The following SPAG16 variants were observed in gnomAD, a reference collection of about 807,000 sequenced individuals.
SPAG16 encodes sperm associated antigen 16.
In SPAG16, 86 loss-of-function variants were observed where a neutral mutation model predicts 80.4. The ratio of observed to expected loss-of-function variants is 1.07; its 90% CI spans 0.90 to 1.28. The LOEUF is 1.28. Among genes scored for constraint, SPAG16 ranks in the 50% most tolerant of loss-of-function variants. SPAG16 has a pLI of 0.00. For synonymous variants in SPAG16, 294 were observed against 265.9 expected (o/e 1.11, Z -1.03); for missense variants, 870 against 765.3 (o/e 1.14, Z -1.61).
chr2:213,490,115 T>C lies in SPAG16; in HGVS notation c.1070+25T>C, dbSNP rs371148071. The C allele has an allele frequency of 9.2e-5, 142 of 1,549,894 alleles. No individual in the cohort carries two copies. The African/African-American group carries it at 1.9e-3, about 20-fold the overall frequency. On this transcript the variant is annotated intron_variant, in intron 10 of 15. Transcript: ENST00000331683. ...GGTAGGATTTTTGATGTTTTATTAATACTTTTGAGATTTTATTTTCATGTC... is the reference window on the plus strand; with the variant it reads ...GGTAGGATTTTTGATGTTTTATTAACACTTTTGAGATTTTATTTTCATGTC...
intron 10 of SPAG16, among the ~76,000 whole-genome samples, chr2:213,856,353 G>T (rs907613421): frequency 5.9e-5 from 9 of 152,194 alleles, no homozygotes; most frequent in African/African-American, 2.2e-4. Flanking sequence ...GGTATTGAGT[G>T]TCTGTAGCTT....
At chr2:213,768,240 A>G (rs1412472172) in intron 10 of SPAG16, among the ~76,000 whole-genome samples, 1 of 152,210 alleles carries the variant, frequency 6.6e-6, no homozygotes, top group African/African-American at 2.4e-5. Context: ...GCTAGAAAAA[A>G]GAGATAAGAA....
At chr2:213,368,269 A>G (rs1449790661) in intron 8 of SPAG16, among the ~76,000 whole-genome samples, 1 of 152,056 alleles carries the variant, frequency 6.6e-6, no homozygotes, top group Non-Finnish European at 1.5e-5. Context: ...TTGGCTATGT[A>G]GGCTCTTTTT....
intron 1 of SPAG16, among the ~76,000 whole-genome samples, chr2:213,292,276 T>C (rs1226071152): frequency 6.6e-6 from 1 of 152,170 alleles, no homozygotes; most frequent in Non-Finnish European, 1.5e-5. Context: ...CAAAATTACT[T>C]TCTAGGAGCT....
chr2:213,659,240 A>G (rs1230038522), intron 10 of SPAG16, among the ~76,000 whole-genome samples: 1 of 152,036 alleles, frequency 6.6e-6, no homozygotes, highest in Non-Finnish European at 1.5e-5. Context: ...CATGAGCAAC[A>G]TGGCAGATAC....
At chr2:213,353,184 C>G (rs918803878) in intron 7 of SPAG16, among the ~76,000 whole-genome samples, 1 of 152,192 alleles carries the variant, frequency 6.6e-6, no homozygotes, top group Non-Finnish European at 1.5e-5. Flanking sequence ...CTGGGTAGTT[C>G]TTTTGTATGT....
intron 14 of SPAG16, among the ~76,000 whole-genome samples, chr2:214,121,304 G>A (rs866180580): frequency 6.6e-6 from 1 of 151,754 alleles, no homozygotes; most frequent in Non-Finnish European, 1.5e-5. Context: ...ATTTCAACTT[G>A]ATTAGGCTTC....
At chr2:214,314,079 G>T (rs549012453) in intron 15 of SPAG16, among the ~76,000 whole-genome samples, 2 of 151,764 alleles carry the variant, frequency 1.3e-5, no homozygotes, top group Non-Finnish European at 2.9e-5. Flanking sequence ...TTTTTCTGTG[G>T]TTCAGTGACT....
At chr2:213,344,168 C>A (rs1335894121) in intron 6 of SPAG16, among the ~76,000 whole-genome samples, 1 of 152,014 alleles carries the variant, frequency 6.6e-6, no homozygotes, top group Non-Finnish European at 1.5e-5. Flanking sequence ...ATATCTTTCC[C>A]CAGTACATAG....
chr2:214,007,186 T>C (rs2047065845), intron 12 of SPAG16, among the ~76,000 whole-genome samples: 1 of 152,206 alleles, frequency 6.6e-6, no homozygotes, highest in South Asian at 2.1e-4. Flanking sequence ...TGCCTAAAAA[T>C]ACTAATAAAA....
intron 10 of SPAG16, among the ~76,000 whole-genome samples, chr2:213,569,813 C>A (rs2059858954): frequency 7.5e-6 from 1 of 133,016 alleles, no homozygotes; most frequent in South Asian, 2.4e-4. Context: ...AGGAATGGTA[C>A]CAGTTCCTCC....
intron 11 of SPAG16, among the ~76,000 whole-genome samples, chr2:213,881,403 A>G (rs771530910): frequency 6.6e-6 from 1 of 152,210 alleles, no homozygotes; most frequent in Non-Finnish European, 1.5e-5. Flanking sequence ...AGGATCATAT[A>G]GTCAGTGAAG....
chr2:214,022,174 G>A (rs2047905071), intron 13 of SPAG16, among the ~76,000 whole-genome samples: 1 of 151,756 alleles, frequency 6.6e-6, no homozygotes, highest in Non-Finnish European at 1.5e-5. Context: ...TTACCAATTA[G>A]CTAACATTTC....
intron 15 of SPAG16, among the ~76,000 whole-genome samples, chr2:214,198,558 CAT>C (rs1021257579): frequency 6.6e-6 from 1 of 152,130 alleles, no homozygotes; most frequent in African/African-American, 2.4e-5. Flanking sequence ...CTGCTATAAA[CAT>C]GTGTGTCCAC....
At chr2:214,048,539 G>A (rs1405077022) in intron 13 of SPAG16, among the ~76,000 whole-genome samples, 1 of 151,798 alleles carries the variant, frequency 6.6e-6, no homozygotes, top group African/African-American at 2.4e-5. Context: ...AGAGTAGGAT[G>A]ATTACCAGAG....
intron 10 of SPAG16, among the ~76,000 whole-genome samples, chr2:213,662,041 T>C (rs1314739719): frequency 1.3e-5 from 2 of 152,134 alleles, no homozygotes; most frequent in Non-Finnish European, 2.9e-5. Context: ...TTTTCACCTA[T>C]AATATACAGT....
chr2:214,375,773 G>GTGTT (rs1229205967), intron 15 of SPAG16, among the ~76,000 whole-genome samples: 2 of 152,180 alleles, frequency 1.3e-5, no homozygotes, highest in Admixed American at 1.3e-4. Flanking sequence ...CTGTGCTTTT[G>GTGTT]TGTTTGTTTT....
intron 10 of SPAG16, among the ~76,000 whole-genome samples, chr2:213,674,915 G>C (rs2063984482): frequency 1.3e-5 from 2 of 149,512 alleles, no homozygotes; most frequent in East Asian, 1.9e-4. Flanking sequence ...TGGGATGGCT[G>C]AGTCAAATGG....
chr2:214,366,366 CA>C (rs1699481907), intron 15 of SPAG16, among the ~76,000 whole-genome samples: 1 of 152,174 alleles, frequency 6.6e-6, no homozygotes, highest in South Asian at 2.1e-4. Context: ...GAGCTTCTAC[CA>C]GTAGACTTTT....
Sources: gnomAD v4.1 joint callset for allele counts (sites outside exome capture counted in the v4.1 genomes callset) on GRCh38, gnomAD v4.1.1 for gene constraint, MANE v1.5 for transcripts, NCBI Gene and HGNC (gene_info 2026-07-23, HGNC 2026-07-21) for gene names.